Variants in MS4A13 observed in about 807,000 individuals in gnomAD.
MS4A13 encodes membrane spanning 4-domains A13.
In MS4A13, 21 loss-of-function variants were observed where a neutral mutation model predicts 18.4. The ratio of observed to expected loss-of-function variants is 1.14; its 90% CI spans 0.81 to 1.64. The LOEUF (loss-of-function observed/expected upper bound fraction) is 1.64, where lower values mean the gene tolerates loss of function less well. Among genes scored for constraint, MS4A13 ranks in the 40% most tolerant of loss-of-function variants. MS4A13 has a pLI of 0.00. For synonymous variants in MS4A13, 62 were observed against 57.2 expected, an observed-to-expected ratio of 1.08 and a Z score of -0.38; for missense variants, 173 against 176.8, an observed-to-expected ratio of 0.98 and a Z score of 0.12.
intron 2 of MS4A13, among the ~76,000 whole-genome samples, chr11:60,516,556 C>G (rs1005014847): frequency 6.6e-6 from 1 of 152,176 alleles, no homozygotes; most frequent in Admixed American, 6.5e-5. Flanking sequence ...GTCGCCTATA[C>G]GACTGTTCAG....
chr11:60,540,956 C>CAAA (rs34052697), intron 6 of MS4A13, among the ~76,000 whole-genome samples: 4 of 109,546 alleles, frequency 3.7e-5, no homozygotes, highest in African/African-American at 7.8e-5. Flanking sequence ...CCCTATCTCA[C>CAAA]AAAAAAAAAA....
chr11:60,532,464 C>T (rs1025386157), intron 6 of MS4A13, among the ~76,000 whole-genome samples: 29 of 152,274 alleles, frequency 1.9e-4, no homozygotes, highest in Admixed American at 1.4e-3. Context: ...CTTTTCAGAC[C>T]GGCTCAAAAA....
At chr11:60,527,657 G>A (rs2086729091) in intron 5 of MS4A13, among the ~76,000 whole-genome samples, 1 of 151,952 alleles carries the variant, frequency 6.6e-6, no homozygotes, top group Non-Finnish European at 1.5e-5. Context: ...CCAACAAGGT[G>A]AAACCCTGTC....
At chr11:60,538,776 C>G (rs2086832974) in intron 6 of MS4A13, among the ~76,000 whole-genome samples, 1 of 139,942 alleles carries the variant, frequency 7.1e-6, no homozygotes, top group Admixed American at 7.4e-5. Flanking sequence ...TCTGGGTAGG[C>G]CTAATCTAAG....
At chr11:60,529,280 C>G in intron 5 of MS4A13, 85 bp from the exon 6 acceptor site, 2 of 188,922 alleles carry the variant, frequency 1.1e-5, no homozygotes, top group Non-Finnish European at 2.1e-5. Context: ...TTTTTTGACT[C>G]TCATACCAGT....
intron 3 of MS4A13, among the ~76,000 whole-genome samples, chr11:60,519,967 G>T (rs986507461): frequency 6.6e-6 from 1 of 152,176 alleles, no homozygotes; most frequent in Admixed American, 6.6e-5. Flanking sequence ...GTACAACAAG[G>T]ACAAGAGAAT....
At chr11:60,520,643 G>A (rs2086667847) in intron 3 of MS4A13, among the ~76,000 whole-genome samples, 1 of 152,228 alleles carries the variant, frequency 6.6e-6, no homozygotes, top group African/African-American at 2.4e-5. Flanking sequence ...CCATGGCCTT[G>A]GGCTGCTCTA....
intron 3 of MS4A13, among the ~76,000 whole-genome samples, chr11:60,523,251 T>C (rs2086689954): frequency 6.6e-6 from 1 of 152,194 alleles, no homozygotes; most frequent in African/African-American, 2.4e-5. Flanking sequence ...TTTAGTGTCT[T>C]ATCAATAAAA....
At chr11:60,529,322 A>G in intron 5 of MS4A13, 43 bp from the exon 6 acceptor site, 2 of 1,146,614 alleles carry the variant, frequency 1.7e-6, no homozygotes, top group Non-Finnish European at 2.5e-6. Context: ...TGCACTCACT[A>G]AAGATAATAG....
chr11:60,520,528 T>C (rs541645245), intron 3 of MS4A13, among the ~76,000 whole-genome samples: 2 of 152,306 alleles, frequency 1.3e-5, no homozygotes, highest in South Asian at 4.1e-4. Flanking sequence ...ACAGGCCCCA[T>C]GCAAGTCTAA....
chr11:60,520,574 A>G (rs2086667210), intron 3 of MS4A13, among the ~76,000 whole-genome samples: 1 of 152,228 alleles, frequency 6.6e-6, no homozygotes, highest in Non-Finnish European at 1.5e-5. Flanking sequence ...AAGCTCAAAA[A>G]TGATCTCCTT....
chr11:60,522,597 G>A (rs1300282043), intron 3 of MS4A13, among the ~76,000 whole-genome samples: 1 of 152,096 alleles, frequency 6.6e-6, no homozygotes, highest in Non-Finnish European at 1.5e-5. Flanking sequence ...TCTCTAGGAG[G>A]TCTCCCACTT....
rs776758584 is a variant in MS4A13, at chr11:60,542,543, T to C, written c.427T>C (p.Ser143Pro). 2.5e-6 allele frequency: 4 copies of C among 1,610,822 alleles called. No individual in the cohort carries two copies. The highest frequency in any genetic ancestry group is 3.4e-6 in the Non-Finnish European group (4 of 1,178,334). ...GTTTCGAAGACAAAATGATCTTACA[T>C]CTGTTACTGAGGAAGCTGAGAGCAC... ...NLFRRQNDLT[S>P]VTEEAESTP Residue 143 changes from serine (S) to proline (P), a missense_variant, in exon 7 of 7, where the codon TCT becomes CCT. Physicochemically the swap from Ser to Pro is moderately conservative, Grantham distance 74. Transcript: ENST00000378186.
chr11:60,539,699 A>T (rs907701637), intron 6 of MS4A13, among the ~76,000 whole-genome samples: 1 of 146,080 alleles, frequency 6.8e-6, no homozygotes, highest in South Asian at 2.3e-4. Flanking sequence ...TCTTGAAAGC[A>T]GCAAAAAAAA....
intron 6 of MS4A13, among the ~76,000 whole-genome samples, chr11:60,535,531 AAT>A (rs2086802095): frequency 1.6e-5 from 2 of 125,508 alleles, no homozygotes; most frequent in Non-Finnish European, 3.3e-5. Context: ...GGCAATAATC[AAT>A]AGTTTACCAA....
At chr11:60,543,297 T>G (rs1221631245), downstream of MS4A13, among the ~76,000 whole-genome samples, 2 of 152,178 alleles carry the variant, frequency 1.3e-5, no homozygotes, top group Non-Finnish European at 2.9e-5. Context: ...TCACTAATTG[T>G]TATCTAACAC....
chr11:60,533,007 CA>C (rs1358330934), intron 6 of MS4A13, among the ~76,000 whole-genome samples: 13 of 54,910 alleles, frequency 2.4e-4, no homozygotes, highest in Non-Finnish European at 3.5e-4. Flanking sequence ...ACATCTACAC[CA>C]AAAACCCATC....
rs1181643960 is a variant in MS4A13 at position 60,525,302 on chromosome 11, G to A, written c.282G>A (p.Val94=). ...TIIELSHFNS[V]SYRNYGQAKL... ...TAGAGTTGTCTCATTTTAATTCTGT[G>A]TCATACAGGAATTATGGACAAGCAG... Residue 94 remains valine (V), a synonymous_variant, in exon 5 of 7, where the codon GTG becomes GTA. Transcript: ENST00000378186. 2.5e-6 allele frequency: 4 copies of A among 1,588,942 alleles called. No homozygotes were observed. The highest frequency in any genetic ancestry group is 2.7e-5 in the African/African-American group (2 of 74,254).
At chr11:60,523,820 C>A in intron 3 of MS4A13, 77 bp from the exon 4 acceptor site, 3 of 857,798 alleles carry the variant, frequency 3.5e-6, no homozygotes, top group Non-Finnish European at 5.7e-6. Context: ...AATTGACTTA[C>A]AAGAGAGTTA....
Sources: gnomAD v4.1 joint callset for allele counts (sites outside exome capture counted in the v4.1 genomes callset) on GRCh38, gnomAD v4.1.1 for gene constraint, MANE v1.5 for transcripts, NCBI Gene and HGNC (gene_info 2026-07-23, HGNC 2026-07-21) for gene names.